The following PLPPR1 variants were observed in gnomAD, a reference collection of about 807,000 sequenced individuals.
The protein encoded by PLPPR1 is phospholipid phosphatase-related protein type 1.
PLPPR1 carries 10 observed loss-of-function variants against 33.1 expected under a neutral mutation model. That is an observed-to-expected ratio of 0.30 (90% CI 0.19 to 0.51). PLPPR1 has a LOEUF of 0.51. PLPPR1 is among the 20% of genes least tolerant of loss of function. The pLI, the probability that PLPPR1 is intolerant of heterozygous loss-of-function variation, is 0.97. For synonymous variants in PLPPR1, 151 were observed against 151.0 expected (o/e 1.00, Z 0.00); for missense variants, 304 against 408.1 (o/e 0.74, Z 2.20).
intron 1 of PLPPR1, among the ~76,000 whole-genome samples, chr9:101,154,350 T>A (rs1397499441): frequency 6.6e-6 from 1 of 152,146 alleles, no homozygotes; most frequent in African/African-American, 2.4e-5. Context: ...TGGACTTTTT[T>A]TGGTTGGTAG....
At position 101,059,311 on chromosome 9, in the gene PLPPR1, G is replaced by GT. The variant is rs563604508; in HGVS notation, c.-46+30214dup. Among the ~76,000 whole-genome samples the GT allele has an allele frequency of 2.6e-5, 4 of 152,144 alleles. No individual in the cohort carries two copies. In the South Asian group the frequency reaches 8.3e-4, roughly 32 times the overall value. ...CAACTCTCTGAAAAGGTTTTAGCAT[G>GT]TTTTTATGAGTAAAAAATAGTTTGT... On this transcript the variant is annotated intron_variant, in intron 1 of 7. Transcript: ENST00000374874.
chr9:101,112,656 G>A (rs1217034054), intron 1 of PLPPR1, among the ~76,000 whole-genome samples: 1 of 152,160 alleles, frequency 6.6e-6, no homozygotes, highest in Non-Finnish European at 1.5e-5. Context: ...GACAGTTTCC[G>A]TATGGTGCTT....
intron 1 of PLPPR1, among the ~76,000 whole-genome samples, chr9:101,156,262 G>A (rs2118661309): frequency 6.6e-6 from 1 of 152,142 alleles, no homozygotes; most frequent in South Asian, 2.1e-4. Flanking sequence ...AGAGATAGCT[G>A]CAGAAGGCCA....
intron 1 of PLPPR1, among the ~76,000 whole-genome samples, chr9:101,110,338 C>G (rs1218618509): frequency 6.6e-6 from 1 of 152,124 alleles, no homozygotes; most frequent in East Asian, 1.9e-4. Flanking sequence ...TTGCATAATA[C>G]TCAGTGTTGC....
chr9:101,092,197 G>A (rs1291202585), intron 1 of PLPPR1, among the ~76,000 whole-genome samples: 2 of 152,108 alleles, frequency 1.3e-5, no homozygotes, highest in African/African-American at 4.8e-5. Flanking sequence ...TCTCTTTCAG[G>A]TGTCATTTTA....
At chr9:101,277,746 C>T (rs1828224474) in intron 3 of PLPPR1, among the ~76,000 whole-genome samples, 1 of 152,208 alleles carries the variant, frequency 6.6e-6, no homozygotes, top group Non-Finnish European at 1.5e-5. Flanking sequence ...GCTAGAATTA[C>T]ACTATATTTC....
chr9:101,211,062 CGGCCTATAATTAT>C, intron 2 of PLPPR1, among the ~76,000 whole-genome samples: 1 of 152,262 alleles, frequency 6.6e-6, no homozygotes, highest in Non-Finnish European at 1.5e-5. Context: ...CCACCGCCCC[CGGCCTATAATTAT>C]GGTTTTATTG....
At chr9:101,046,361 A>G (rs1396192829) in intron 1 of PLPPR1, among the ~76,000 whole-genome samples, 1 of 151,206 alleles carries the variant, frequency 6.6e-6, no homozygotes, top group Non-Finnish European at 1.5e-5. Context: ...CCCTGCCCAG[A>G]GCAACAGGAA....
intron 3 of PLPPR1, among the ~76,000 whole-genome samples, chr9:101,278,353 A>C (rs1486814147): frequency 6.6e-6 from 1 of 152,232 alleles, no homozygotes; most frequent in African/African-American, 2.4e-5. Context: ...AGTGCTATCC[A>C]GTAATCATAC....
intron 2 of PLPPR1, among the ~76,000 whole-genome samples, chr9:101,209,178 C>T (rs1437863140): frequency 6.6e-6 from 1 of 152,164 alleles, no homozygotes; most frequent in Non-Finnish European, 1.5e-5. Context: ...TTTTAACAAG[C>T]CCTCCAGGTG....
At chr9:101,214,148 G>A (rs1270081840) in intron 2 of PLPPR1, among the ~76,000 whole-genome samples, 1 of 152,192 alleles carries the variant, frequency 6.6e-6, no homozygotes, top group East Asian at 1.9e-4. Flanking sequence ...ATCACTGAAG[G>A]ACTGAAGGAC....
Position 101,317,395 on chromosome 9 carries a change from A to G in PLPPR1, c.844A>G (p.Thr282Ala). 6.2e-7 allele frequency: 1 copy of G among 1,614,076 alleles called. No individual in the cohort carries two copies. The highest frequency in any genetic ancestry group is 8.5e-7 in the Non-Finnish European group (1 of 1,179,998). ...GMCVVHNFKG[T>A]QGSPSKPKPE... is the part of the protein sequence containing the mutation. ...GTGTGTGGTTCATAACTTTAAAGGA[A>G]CGCAAGGATCTCCTTCCAAACCCAA... Residue 282 changes from threonine to alanine, a missense_variant, in exon 7 of 8, where the codon ACG becomes GCG. Thr to Ala is a moderately conservative substitution (Grantham distance 58). Transcript: ENST00000374874.
chr9:101,115,720 C>T (rs1831110408), intron 1 of PLPPR1, among the ~76,000 whole-genome samples: 2 of 152,104 alleles, frequency 1.3e-5, no homozygotes, highest in Admixed American at 1.3e-4. Context: ...TTAGCTGCAT[C>T]CCATTTTAAT....
At position 101,308,360 on chromosome 9, in the gene PLPPR1, A is replaced by G. The variant is rs1233077730; in HGVS notation, c.386-851A>G. On this transcript the variant is annotated intron_variant, in intron 4 of 7. Transcript: ENST00000374874. ...GGAATGAAGGCAACTTCTAGAACAC[A>G]TGGAAAAGGAAAGATGTGGATTATA... Among the ~76,000 whole-genome samples the G allele has an allele frequency of 3.3e-5, 5 of 152,212 alleles. No individual in the cohort carries two copies. The East Asian group carries it at 7.7e-4, about 23-fold the overall frequency.
intron 1 of PLPPR1, among the ~76,000 whole-genome samples, chr9:101,132,479 G>A (rs990854546): frequency 6.6e-6 from 1 of 152,128 alleles, no homozygotes; most frequent in African/African-American, 2.4e-5. Flanking sequence ...ACAATAAGGA[G>A]GTCAGTGGTT....
intron 1 of PLPPR1, among the ~76,000 whole-genome samples, chr9:101,064,907 C>A (rs1054254710): frequency 6.6e-6 from 1 of 151,954 alleles, no homozygotes; most frequent in Non-Finnish European, 1.5e-5. Context: ...CCAACCCATT[C>A]TCATGATAAT....
intron 1 of PLPPR1, among the ~76,000 whole-genome samples, chr9:101,044,503 A>G (rs891556796): frequency 1.3e-5 from 2 of 152,212 alleles, no homozygotes; most frequent in African/African-American, 4.8e-5. Context: ...TCATTGCTTC[A>G]TTTGTAAAAT....
At chr9:101,062,064 G>A (rs1043524336) in intron 1 of PLPPR1, among the ~76,000 whole-genome samples, 1 of 151,826 alleles carries the variant, frequency 6.6e-6, no homozygotes, top group Non-Finnish European at 1.5e-5. Flanking sequence ...ATTGAAAAAT[G>A]GTTAATGTAT....
chr9:101,078,187 G>GAAGAAGAAGAAGAAGAA (rs1564138307), intron 1 of PLPPR1, among the ~76,000 whole-genome samples: 1 of 17,750 alleles, frequency 5.6e-5, no homozygotes, highest in African/African-American at 2.5e-4. Context: ...AAGAAGAAGA[G>GAAGAAGAAGAAGAAGAA]GAGGGGGGGA....
Sources: allele counts gnomAD v4.1 joint callset (sites outside exome capture counted in the v4.1 genomes callset), GRCh38; gene constraint gnomAD v4.1.1; transcripts MANE v1.5; gene names NCBI Gene and HGNC (gene_info 2026-07-23, HGNC 2026-07-21).